Variants in ADGRD2 observed in about 807,000 individuals in gnomAD.
The protein encoded by ADGRD2 is adhesion G protein-coupled receptor D2.
A neutral mutation model predicts 44.4 loss-of-function variants in ADGRD2; 71 were observed. That is an observed-to-expected ratio of 1.60 (90% CI 1.32 to 1.95). The LOEUF (loss-of-function observed/expected upper bound fraction) is 1.95, where lower values mean the gene tolerates loss of function less well. Ranked by LOEUF, ADGRD2 falls within the 30% of genes most tolerant of loss-of-function variation. The pLI is 0.00. For synonymous variants in ADGRD2, 481 were observed against 224.8 expected (o/e 2.14, Z -10.19); for missense variants, 1,039 against 512.4 (o/e 2.03, Z -9.92).
At chr9:124,452,319 C>T (rs1340133152) in intron 1 of ADGRD2, 165 bp downstream of exon 4, 4 of 637,360 alleles carry the variant, frequency 6.3e-6, no homozygotes, top group East Asian at 2.7e-5. Context: ...GTTTCCGTCT[C>T]ATTCCTGCCA....
intron 18 of ADGRD2, 29 bp from the exon 22 acceptor site, chr9:124,475,542 C>A (rs1158692939): frequency 7.0e-6 from 5 of 715,738 alleles, no homozygotes; most frequent in Admixed American, 4.0e-5. Context: ...AGGGAGGGTC[C>A]CCAGCCTGAC....
rs140920743 is a variant in ADGRD2, at chr9:124,464,274, T to C, written c.1871-1984T>C. On this transcript the variant is annotated intron_variant, in intron 10 of 21. Transcript: ENST00000334810. ...AAGGATAAAGACAAAATTGTATTACTCAGAGATAACCGCTATGAACATTTT... is the reference window on the plus strand; with the variant it reads ...AAGGATAAAGACAAAATTGTATTACCCAGAGATAACCGCTATGAACATTTT... Among the ~76,000 whole-genome samples the C allele has an allele frequency of 2.6e-5, 4 of 152,330 alleles. No homozygotes were observed. In the East Asian group the frequency reaches 7.7e-4, roughly 29 times the overall value.
upstream of ADGRD2, chr9:124,452,049 G>A (rs1462905462): frequency 1.6e-6 from 1 of 638,860 alleles, no homozygotes; most frequent in Admixed American, 2.1e-5. Flanking sequence ...CAAGTGTGAG[G>A]GGAGGGTTGT....
intron 11 of ADGRD2, 76 bp from the exon 15 acceptor site, chr9:124,467,645 G>A: frequency 1.1e-5 from 8 of 703,252 alleles, no homozygotes; most frequent in Non-Finnish European, 2.1e-5. Context: ...GGGCCTTAGA[G>A]TCACCAGGTG....
chr9:124,467,569 G>T (rs1831848361), intron 11 of ADGRD2, among the ~76,000 whole-genome samples, 152 bp from the exon 15 acceptor site: 1 of 152,128 alleles, frequency 6.6e-6, no homozygotes, highest in Non-Finnish European at 1.5e-5. Context: ...CTTATTAAAT[G>T]CCTACTGTGT....
intron 21 of ADGRD2, chr9:124,477,063 C>G (rs1241957768): frequency 1.8e-6 from 1 of 546,664 alleles, no homozygotes; most frequent in African/African-American, 1.9e-5. Context: ...CCCCCTAAGC[C>G]CAGCACCCCC....
chr9:124,478,065 C>CT (rs1832082351), intron 21 of ADGRD2, among the ~76,000 whole-genome samples: 1 of 152,140 alleles, frequency 6.6e-6, no homozygotes, highest in Non-Finnish European at 1.5e-5. Context: ...GCAGCGGAGG[C>CT]TGCCGGGCTG....
intron 14 of ADGRD2, 72 bp from the exon 18 acceptor site, chr9:124,469,150 G>C: frequency 1.5e-6 from 1 of 656,670 alleles, no homozygotes; most frequent in South Asian, 1.7e-5. Context: ...TGCGGCTTGG[G>C]GGGCGGATCC....
Position 124,454,438 on chromosome 9 carries a change from G to A in ADGRD2, c.1023-46G>A. On this transcript the variant is annotated intron_variant, in intron 4 of 21. Transcript: ENST00000334810. The surrounding 1 kb of genome is among the most constrained non-coding windows in gnomAD (Gnocchi z 4.5). ...TCACTGAACAGGCTGGCATCTCTGG[G>A]CAGGGGTATTGCCCGGGGCCTAGCC... 2 of 693,232 alleles carry A rather than the reference G, an allele frequency of 2.9e-6. No homozygotes were observed. Among genetic ancestry groups the A allele is most frequent in the Non-Finnish European group, 5.5e-6 (2 of 366,714 alleles). The allele number at this position is 693,232 out of a possible 1,614,324, so 42.9% of individuals were successfully genotyped here. A position where few individuals can be genotyped will look rare whatever the true frequency, so the allele number is the denominator to read the frequency against.
At chr9:124,468,336 CGGGAGGAAAGGGCCCT>C (rs1362906713) in intron 13 of ADGRD2, 146 bp downstream of exon 16, 3 of 674,582 alleles carry the variant, frequency 4.4e-6, no homozygotes, top group Non-Finnish European at 8.1e-6. Flanking sequence ...AGCAGGGCCC[CGGGAGGAAAGGGCCCT>C]GGGAGGAAAG....
Position 124,454,109 on chromosome 9 carries a change from C to CTGTA in ADGRD2, c.1022+13_1022+16dup, listed in dbSNP as rs1831566333. The CTGTA allele has an allele frequency of 1.5e-6, 1 of 685,998 alleles. No individual in the cohort carries two copies. Among genetic ancestry groups the CTGTA allele is most frequent in the Non-Finnish European group, 2.7e-6 (1 of 371,098 alleles). The allele number at this position is 685,998 out of a possible 1,614,324, so 42.5% of individuals were successfully genotyped here. On this transcript the variant is annotated intron_variant, in intron 4 of 21. Coordinates refer to ENST00000334810, the Ensembl canonical transcript of ADGRD2. The surrounding 1 kb of genome is among the most constrained non-coding windows in gnomAD (Gnocchi z 4.5). ...CTGCTACCGGACAGGTGCGCCCTGGCTGTACCCCTGGGCTCTGCTGAAGGG... is the reference window on the plus strand; with the variant it reads ...CTGCTACCGGACAGGTGCGCCCTGGCTGTATGTACCCCTGGGCTCTGCTGAAGGG...
intron 21 of ADGRD2, chr9:124,477,168 C>T (rs1174155710): frequency 4.8e-6 from 2 of 420,704 alleles, no homozygotes; most frequent in Non-Finnish European, 9.8e-6. Context: ...CTGCGGGTCA[C>T]CAGCTGGACA....
At chr9:124,464,745 A>C (rs1387227928) in intron 10 of ADGRD2, among the ~76,000 whole-genome samples, 1 of 144,904 alleles carries the variant, frequency 6.9e-6, no homozygotes, top group Non-Finnish European at 1.5e-5. Flanking sequence ...ATCATAACAC[A>C]TTCAACCCAG....
chr9:124,475,644 G>T, intron 19 of ADGRD2, 29 bp downstream of exon 22: 1 of 624,262 alleles, frequency 1.6e-6, no homozygotes, highest in South Asian at 1.9e-5. Flanking sequence ...GTGTGGGTGG[G>T]GGCGGGAGGC....
intron 6 of ADGRD2, 81 bp from the exon 10 acceptor site, chr9:124,456,541 G>T: frequency 1.4e-6 from 1 of 699,830 alleles, no homozygotes; most frequent in Non-Finnish European, 2.7e-6. Context: ...CCCAGATCAT[G>T]GAGCATTTAT....
In ADGRD2 at chr9:124,453,983, C is replaced by G. The variant is rs1317612500; in HGVS notation, c.924-16C>G. 14 of 666,694 alleles carry G rather than the reference C, an allele frequency of 2.1e-5. No homozygotes were observed. In the East Asian group the frequency reaches 3.8e-4, roughly 18 times the overall value. The allele number at this position is 666,694 out of a possible 1,614,324, so 41.3% of individuals were successfully genotyped here. A position where few individuals can be genotyped will look rare whatever the true frequency, so the allele number is the denominator to read the frequency against. On this transcript the variant is annotated splice_polypyrimidine_tract_variant and intron_variant, in intron 3 of 21. Transcript: ENST00000334810. ...GGTCCCCTAGGGAGCCCTGACAGCT[C>G]CCCTGCCCCTGCCAGTGCCCTCCGA...
chr9:124,455,704 G>A lies in ADGRD2; in HGVS notation c.1393+577G>A, dbSNP rs915465516. 3.9e-5 allele frequency among the ~76,000 whole-genome samples: 6 copies of A among 152,182 alleles called. No individual in the cohort carries two copies. The East Asian group carries it at 9.6e-4, about 24-fold the overall frequency. Reference sequence around the variant, plus strand: ...TCCAAGAACCTGCTGACCACCTTAAGTGGGGGATCTATGCCAAGTGGACAG... The same window carrying A: ...TCCAAGAACCTGCTGACCACCTTAAATGGGGGATCTATGCCAAGTGGACAG... On this transcript the variant is annotated intron_variant, in intron 6 of 21. Transcript: ENST00000334810.
rs571675234 is a variant in ADGRD2, at chr9:124,452,978, G to A, written c.282-57G>A. ...CCCCACCGCTGAGCCAAAGGGCAGG[G>A]GCAGGACCATGTGCACAGGTGAGGA... On this transcript the variant is annotated intron_variant, in intron 2 of 21. Coordinates refer to ENST00000334810, the Ensembl canonical transcript of ADGRD2. 2,587 of 619,844 alleles carry A rather than the reference G, an allele frequency of 4.2e-3. 8 individuals are homozygous for A. The highest frequency in any genetic ancestry group is 6.2e-3 in the Non-Finnish European group (2,126 of 345,420). 38.4% of individuals were successfully genotyped at this position (619,844 alleles called of 1,614,324 possible). A position where few individuals can be genotyped will look rare whatever the true frequency, so the allele number is the denominator to read the frequency against.
At position 124,454,118 on chromosome 9, in the gene ADGRD2, T is replaced by C. The variant is rs772522106; in HGVS notation, c.1022+21T>C. The C allele has an allele frequency of 3.0e-6, 2 of 665,136 alleles. No homozygotes were observed. Among genetic ancestry groups the C allele is most frequent in the South Asian group, 3.4e-5 (2 of 58,974 alleles). 41.2% of individuals were successfully genotyped at this position (665,136 alleles called of 1,614,324 possible). On this transcript the variant is annotated intron_variant, in intron 4 of 21. Transcript: ENST00000334810. This position sits in a 1 kb window ranked among gnomAD's most constrained non-coding sequence, Gnocchi z 4.5. ...GACAGGTGCGCCCTGGCTGTACCCC[T>C]GGGCTCTGCTGAAGGGAAAGCCGGT...
Sources: gnomAD v4.1 joint callset for allele counts (sites outside exome capture counted in the v4.1 genomes callset) on GRCh38, gnomAD v4.1.1 for gene constraint, Gnocchi (gnomAD v3.1) non-coding constraint, MANE v1.5 for transcripts, NCBI Gene and HGNC (gene_info 2026-07-23, HGNC 2026-07-21) for gene names.